Variants in ZFHX3 observed in about 807,000 individuals in gnomAD.
The protein encoded by ZFHX3 is zinc finger homeobox protein 3.
ZFHX3 carries 42 observed loss-of-function variants against 279.1 expected under a neutral mutation model. The ratio of observed to expected loss-of-function variants is 0.15; its 90% CI spans 0.12 to 0.19. The LOEUF is 0.19. ZFHX3 is among the 10% of genes least tolerant of loss of function. ZFHX3 has a pLI of 1.00. For synonymous variants in ZFHX3, 2,293 were observed against 1,957.8 expected (o/e 1.17, Z -4.52); for missense variants, 4,981 against 4,754.0 (o/e 1.05, Z -1.40).
intron 2 of ZFHX3, among the ~76,000 whole-genome samples, chr16:73,558,709 C>CTTTTT (rs989644068): frequency 8.8e-5 from 8 of 90,478 alleles, no homozygotes; most frequent in Non-Finnish European, 1.5e-4. Flanking sequence ...GAAAATGACT[C>CTTTTT]TTTTTTTTTT....
Position 73,784,903 on chromosome 16 carries a change from C to T in ZFHX3, c.-1607-104663G>A, listed in dbSNP as rs1019976629. On this transcript the variant is annotated intron_variant, in intron 1 of 17. Transcript: ENST00000641206. ...TGAGGAATAGTGGTCCCATGCTTCACGTTCTTCCCACACCTAATTCCTGCT... is the reference window on the plus strand; with the variant it reads ...TGAGGAATAGTGGTCCCATGCTTCATGTTCTTCCCACACCTAATTCCTGCT... Among the ~76,000 whole-genome samples the T allele has an allele frequency of 5.3e-5, 8 of 151,532 alleles. No individual in the cohort carries two copies. In the East Asian group the frequency reaches 5.8e-4, roughly 11 times the overall value.
chr16:73,149,255 TATA>T (rs1004691463), intron 5 of ZFHX3, among the ~76,000 whole-genome samples: 15 of 147,902 alleles, frequency 1.0e-4, no homozygotes, highest in African/African-American at 2.9e-4. Flanking sequence ...TATATTATAT[TATA>T]ATATTATTTT....
chr16:73,452,437 C>T (rs1260000032), intron 3 of ZFHX3, among the ~76,000 whole-genome samples: 1 of 152,106 alleles, frequency 6.6e-6, no homozygotes, highest in Non-Finnish European at 1.5e-5. Flanking sequence ...ACTCTTCTAG[C>T]TGGCAGAAAG....
At chr16:73,644,536 C>T (rs1169257800) in intron 2 of ZFHX3, among the ~76,000 whole-genome samples, 1 of 152,122 alleles carries the variant, frequency 6.6e-6, no homozygotes, top group Non-Finnish European at 1.5e-5. Flanking sequence ...TGGCGGGTGC[C>T]TGTAATCCCA....
intron 1 of ZFHX3, among the ~76,000 whole-genome samples, chr16:73,757,285 G>C (rs1181507549): frequency 6.6e-6 from 1 of 152,172 alleles, no homozygotes; most frequent in East Asian, 1.9e-4. Flanking sequence ...GTGTCTGTGA[G>C]TGTGCTTCCA....
At chr16:72,809,792 T>A (rs2036384527) in intron 7 of ZFHX3, 1 of 152,200 alleles carries the variant, frequency 6.6e-6, no homozygotes, top group Non-Finnish European at 1.5e-5. Flanking sequence ...GCAATCAAAT[T>A]AACTTATTAC....
chr16:73,605,333 T>C (rs2052166742), intron 2 of ZFHX3, among the ~76,000 whole-genome samples: 1 of 152,236 alleles, frequency 6.6e-6, no homozygotes, highest in Non-Finnish European at 1.5e-5. Context: ...TTTTCCCTTT[T>C]AGGATAAAAG....
At chr16:73,654,823 A>G (rs2052706690) in intron 2 of ZFHX3, among the ~76,000 whole-genome samples, 1 of 148,826 alleles carries the variant, frequency 6.7e-6, no homozygotes. Flanking sequence ...AAAAAACAAT[A>G]GGTTATCTCT....
intron 2 of ZFHX3, chr16:73,486,939 T>G (rs1169132679): frequency 2.3e-6 from 1 of 442,288 alleles, no homozygotes; most frequent in Non-Finnish European, 4.5e-6. Context: ...GCCAAGGCAA[T>G]TTGGGTTACT....
rs571917247 is a variant in ZFHX3, at chr16:73,174,655, G to A, written c.-1103-30824C>T. On this transcript the variant is annotated intron_variant, in intron 5 of 17. Transcript: ENST00000641206. ...GGAAACCTGTAATGCCTTCTAAATG[G>A]TCCCCACACTCTTCTCCTGCCCCAT... Among the ~76,000 whole-genome samples, 72 of 151,870 alleles carry A rather than the reference G, an allele frequency of 4.7e-4. No homozygotes were observed. The South Asian group carries it at 4.8e-3, about 10-fold the overall frequency.
chr16:73,790,080 A>T (rs1405403704), intron 1 of ZFHX3, among the ~76,000 whole-genome samples: 1 of 152,164 alleles, frequency 6.6e-6, no homozygotes, highest in Non-Finnish European at 1.5e-5. Flanking sequence ...CTTGCCATGC[A>T]AAAGGTCTCA....
intron 3 of ZFHX3, among the ~76,000 whole-genome samples, chr16:73,453,384 G>A (rs1166537054): frequency 6.6e-6 from 1 of 152,194 alleles, no homozygotes; most frequent in Non-Finnish European, 1.5e-5. Flanking sequence ...AAGAGGACCA[G>A]CAGGTTCCTC....
intron 5 of ZFHX3, among the ~76,000 whole-genome samples, chr16:73,237,245 C>T (rs1355191865): frequency 6.6e-6 from 1 of 152,076 alleles, no homozygotes; most frequent in Admixed American, 6.6e-5. Flanking sequence ...CTTAAAGGTG[C>T]CTTGATTCTT....
intron 1 of ZFHX3, among the ~76,000 whole-genome samples, chr16:73,872,388 G>A (rs1210309457): frequency 6.6e-6 from 1 of 151,784 alleles, no homozygotes; most frequent in African/African-American, 2.4e-5. Context: ...ACCATGCCCA[G>A]TTAACTTATT....
At chr16:72,879,460 CT>C (rs2038404964) in intron 4 of ZFHX3, among the ~76,000 whole-genome samples, 1 of 152,200 alleles carries the variant, frequency 6.6e-6, no homozygotes, top group African/African-American at 2.4e-5. Context: ...GAGTCTCGCT[CT>C]GTCGCCCAGG....
intron 1 of ZFHX3, among the ~76,000 whole-genome samples, chr16:73,691,452 C>T (rs771114877): frequency 3.4e-4 from 52 of 152,188 alleles, no homozygotes; most frequent in Admixed American, 4.6e-4. Flanking sequence ...GTGGGACCAT[C>T]GGCTTTATTT....
At chr16:73,255,698 G>T (rs1567432080) in intron 5 of ZFHX3, among the ~76,000 whole-genome samples, 1 of 152,230 alleles carries the variant, frequency 6.6e-6, no homozygotes, top group African/African-American at 2.4e-5. Context: ...TCAAAGCCAG[G>T]ATTTAGTTTT....
chr16:73,796,962 G>A (rs1334257955), intron 1 of ZFHX3, among the ~76,000 whole-genome samples: 3 of 152,178 alleles, frequency 2.0e-5, no homozygotes, highest in African/African-American at 7.2e-5. Context: ...AGCACTTTGG[G>A]AGGCCAAGGC....
chr16:72,834,678 C>T (rs367644895), intron 4 of ZFHX3, among the ~76,000 whole-genome samples: 5 of 152,154 alleles, frequency 3.3e-5, no homozygotes, highest in African/African-American at 1.2e-4. Context: ...GAAATTGGTT[C>T]GCGAAAGCAG....
Sources: gnomAD v4.1 joint callset for allele counts (sites outside exome capture counted in the v4.1 genomes callset) on GRCh38, gnomAD v4.1.1 for gene constraint, MANE v1.5 for transcripts, NCBI Gene and HGNC (gene_info 2026-07-23, HGNC 2026-07-21) for gene names.